The following OPCML variants were observed in gnomAD, a reference collection of about 807,000 sequenced individuals.
The protein encoded by OPCML is opioid-binding protein/cell adhesion molecule.
OPCML carries 13 observed loss-of-function variants against 37.8 expected under a neutral mutation model. The ratio of observed to expected loss-of-function variants is 0.34; its 90% CI spans 0.22 to 0.55. The LOEUF (loss-of-function observed/expected upper bound fraction) is 0.55, where lower values mean the gene tolerates loss of function less well. OPCML is among the 20% of genes least tolerant of loss of function. The pLI is 0.91. For missense variants in OPCML, 341 were observed against 435.6 expected (o/e 0.78, Z 1.93); for synonymous variants, 176 against 168.8 (o/e 1.04, Z -0.33).
At chr11:132,701,183 G>C (rs541323738) in intron 2 of OPCML, among the ~76,000 whole-genome samples, 9 of 152,334 alleles carry the variant, frequency 5.9e-5, no homozygotes, top group African/African-American at 2.2e-4. Context: ...CAAAGGAGAA[G>C]CAAAGGCACA....
intron 2 of OPCML, among the ~76,000 whole-genome samples, chr11:132,679,479 A>G (rs1190338293): frequency 1.3e-5 from 2 of 152,246 alleles, no homozygotes; most frequent in Non-Finnish European, 2.9e-5. Context: ...AAATGAAATA[A>G]GACAACAACA....
chr11:132,828,808 T>G (rs1162409369), intron 2 of OPCML, among the ~76,000 whole-genome samples: 2 of 152,096 alleles, frequency 1.3e-5, no homozygotes, highest in Admixed American at 1.3e-4. Context: ...GGATGCTCAG[T>G]GAATTTCCCA....
intron 3 of OPCML, among the ~76,000 whole-genome samples, chr11:132,574,194 AT>A (rs1265381824): frequency 7.2e-6 from 1 of 138,890 alleles, no homozygotes; most frequent in Admixed American, 6.9e-5. Flanking sequence ...AGTTTCATTA[AT>A]TTATTTCTAC....
intron 1 of OPCML, among the ~76,000 whole-genome samples, chr11:133,415,537 C>G (rs745861755): frequency 6.6e-6 from 1 of 152,042 alleles, no homozygotes; most frequent in Non-Finnish European, 1.5e-5. Context: ...AATGGAGTTA[C>G]AGTCAGGGAG....
chr11:132,946,113 G>A (rs930065525), intron 1 of OPCML, among the ~76,000 whole-genome samples: 9 of 152,146 alleles, frequency 5.9e-5, no homozygotes, highest in Non-Finnish European at 1.2e-4. Context: ...TAAAAACTAA[G>A]ACACAAATAC....
intron 2 of OPCML, among the ~76,000 whole-genome samples, chr11:132,898,223 G>A (rs1043846332): frequency 2.0e-5 from 3 of 152,280 alleles, no homozygotes; most frequent in African/African-American, 2.4e-5. Flanking sequence ...GCTACGTGGT[G>A]GCAAGTTGAT....
At chr11:132,994,457 C>T (rs1005219697) in intron 1 of OPCML, among the ~76,000 whole-genome samples, 2 of 152,110 alleles carry the variant, frequency 1.3e-5, no homozygotes, top group African/African-American at 2.4e-5. Flanking sequence ...GCCGTGCAGG[C>T]GCCTCGTGGG....
At chr11:133,314,044 G>C (rs1431116453) in intron 1 of OPCML, among the ~76,000 whole-genome samples, 1 of 151,122 alleles carries the variant, frequency 6.6e-6, no homozygotes, top group Non-Finnish European at 1.5e-5. Flanking sequence ...GACCATCCCG[G>C]CTAACACGGT....
chr11:133,244,800 C>G (rs760600657), intron 1 of OPCML, among the ~76,000 whole-genome samples: 2 of 152,206 alleles, frequency 1.3e-5, no homozygotes, highest in Non-Finnish European at 2.9e-5. Context: ...AGCCATGCCT[C>G]CTGTACAGCT....
chr11:132,871,835 T>C (rs890440652), intron 2 of OPCML, among the ~76,000 whole-genome samples: 1 of 152,242 alleles, frequency 6.6e-6, no homozygotes, highest in Non-Finnish European at 1.5e-5. Context: ...ATCTCATCAA[T>C]GTATGTATGC....
intron 3 of OPCML, among the ~76,000 whole-genome samples, chr11:132,651,238 T>C (rs372205052): frequency 2.0e-5 from 3 of 152,132 alleles, no homozygotes; most frequent in East Asian, 1.9e-4. Context: ...ACAGAGTAAA[T>C]ATACCCGGTC....
intron 2 of OPCML, among the ~76,000 whole-genome samples, chr11:132,821,800 C>T (rs535905775): frequency 6.6e-6 from 1 of 152,188 alleles, no homozygotes; most frequent in East Asian, 1.9e-4. Flanking sequence ...TCACCCCTCC[C>T]CACTAAATGT....
intron 1 of OPCML, among the ~76,000 whole-genome samples, chr11:133,278,110 G>A (rs1312637019): frequency 6.6e-6 from 1 of 152,156 alleles, no homozygotes; most frequent in Non-Finnish European, 1.5e-5. Context: ...CCACTGTAGC[G>A]TATGTTCAGC....
chr11:133,462,480 A>G (rs1185393546), intron 1 of OPCML, among the ~76,000 whole-genome samples: 1 of 152,150 alleles, frequency 6.6e-6, no homozygotes, highest in Non-Finnish European at 1.5e-5. Flanking sequence ...GAACTACTAC[A>G]TCTCTACAAT....
intron 2 of OPCML, among the ~76,000 whole-genome samples, chr11:132,758,187 T>C (rs930768860): frequency 3.3e-5 from 5 of 152,220 alleles, no homozygotes; most frequent in Admixed American, 2.6e-4. Flanking sequence ...GCCAGTACCA[T>C]GCTATTTTGG....
intron 1 of OPCML, among the ~76,000 whole-genome samples, chr11:133,383,413 GTC>G (rs1192342616): frequency 6.6e-6 from 1 of 152,190 alleles, no homozygotes; most frequent in African/African-American, 2.4e-5. Context: ...GCTGGTGAGT[GTC>G]TGAGTGAAGA....
chr11:133,148,776 G>T (rs1037730781), intron 1 of OPCML, among the ~76,000 whole-genome samples: 1 of 152,158 alleles, frequency 6.6e-6, no homozygotes, highest in African/African-American at 2.4e-5. Flanking sequence ...GGATCAGAGA[G>T]ACCCAACTCA....
intron 2 of OPCML, among the ~76,000 whole-genome samples, chr11:132,856,814 C>A (rs1358923254): frequency 6.6e-6 from 1 of 152,190 alleles, no homozygotes; most frequent in Non-Finnish European, 1.5e-5. Flanking sequence ...AGACACAAAT[C>A]CGGAAGCATG....
At chr11:133,063,134 G>A (rs1388749728) in intron 1 of OPCML, among the ~76,000 whole-genome samples, 2 of 152,230 alleles carry the variant, frequency 1.3e-5, no homozygotes, top group Non-Finnish European at 1.5e-5. Flanking sequence ...TGTAAGTTTA[G>A]TTCCTATTCT....
Sources: gnomAD v4.1 joint callset for allele counts (sites outside exome capture counted in the v4.1 genomes callset) on GRCh38, gnomAD v4.1.1 for gene constraint, MANE v1.5 for transcripts, NCBI Gene and HGNC (gene_info 2026-07-23, HGNC 2026-07-21) for gene names.